Variants in CEP350 observed in about 807,000 individuals in gnomAD.
CEP350 encodes centrosome-associated protein 350.
CEP350 carries 126 observed loss-of-function variants against 331.8 expected under a neutral mutation model. The ratio of observed to expected loss-of-function variants is 0.38; its 90% confidence interval spans 0.33 to 0.44. CEP350 has a LOEUF of 0.44. CEP350 is among the 20% of genes least tolerant of loss of function. CEP350 has a pLI of 1.00. For missense variants in CEP350, 3,406 were observed against 3,634.6 expected, an observed-to-expected ratio of 0.94 and a Z score of 1.62; for synonymous variants, 1,200 against 1,259.5, an observed-to-expected ratio of 0.95 and a Z score of 1.00.
In CEP350 at chr1:180,093,257, C is replaced by G. The variant is rs1660299010; in HGVS notation, c.7152C>G (p.Phe2384Leu). The G allele has an allele frequency of 6.2e-7, 1 of 1,600,784 alleles. No homozygotes were observed. ...PYSEDFEVSS[F>L]KKEISAELYK... ...CTGAAGATTTTGAAGTGTCTTCTTT[C>G]AAGAAAGAAATTTCAGCTGAATTGT... Residue 2384 changes from phenylalanine (F) to leucine (L), a missense_variant, in exon 34 of 38, where the codon TTC (phenylalanine) becomes TTG (leucine). Around this residue, in one of 5 missense-constraint regions of CEP350, gnomAD observed 1,415 missense variants for 1,512.3 expected, o/e 0.94. Coordinates refer to ENST00000367607, the MANE Select transcript of CEP350 (RefSeq NM_014810.5).
intron 14 of CEP350, among the ~76,000 whole-genome samples, chr1:180,030,776 T>A (rs1655976186): frequency 6.6e-6 from 1 of 152,100 alleles, no homozygotes; most frequent in South Asian, 2.1e-4. Context: ...TTAAATTTCT[T>A]TGAGTTACAG....
chr1:180,039,618 A>C (rs538503522), intron 17 of CEP350, among the ~76,000 whole-genome samples: 1 of 152,122 alleles, frequency 6.6e-6, no homozygotes, highest in East Asian at 1.9e-4. Context: ...CCATTAATCT[A>C]TTCATCTATC....
chr1:180,102,940 A>G (rs1660910504), intron 37 of CEP350, among the ~76,000 whole-genome samples: 1 of 152,200 alleles, frequency 6.6e-6, no homozygotes, highest in Non-Finnish European at 1.5e-5. Context: ...ACACACATAC[A>G]TGAAGTGGGT....
chr1:180,035,026 T>A (rs1558116683), intron 16 of CEP350, among the ~76,000 whole-genome samples: 1 of 152,118 alleles, frequency 6.6e-6, no homozygotes, highest in African/African-American at 2.4e-5. Context: ...TTGAAGGAAA[T>A]GAAAGGTATC....
chr1:180,052,147 G>A (rs781774079), intron 22 of CEP350: 10 of 449,692 alleles, frequency 2.2e-5, no homozygotes, highest in Non-Finnish European at 4.0e-5. Context: ...CACTGAGCAA[G>A]TGCAGAAGCA....
rs1314790519 is a variant in CEP350, at chr1:180,114,622, T to C, written c.*3461T>C. The C allele has an allele frequency of 1.3e-5, 2 of 152,676 alleles. No homozygotes were observed. Among genetic ancestry groups the C allele is most frequent in the Non-Finnish European group, 2.9e-5 (2 of 68,054 alleles). 9.5% of individuals were successfully genotyped at this position (152,676 alleles called of 1,614,324 possible). A position where few individuals can be genotyped will look rare whatever the true frequency, so the allele number is the denominator to read the frequency against. On this transcript the variant is annotated 3_prime_UTR_variant, in exon 38 of 38. Coordinates refer to ENST00000367607, the MANE Select transcript of CEP350 (RefSeq NM_014810.5). ...CTCTGGGAGGTTCAGCCTCCTTGTG[T>C]GTACTGTACTGTGCAGACATGAAAA...
chr1:179,955,113 G>GT lies in CEP350; in HGVS notation c.-43_-42insT. On this transcript the variant is annotated 5_prime_UTR_variant, in exon 1 of 38. An upstream open reading frame in the 5' UTR gains an earlier in-frame stop. Coordinates refer to ENST00000367607, the MANE Select transcript of CEP350 (RefSeq NM_014810.5). ...CGCCAGGCTCCGCGGGATGCACCGT[G>GT]GTAGCCGAGGGCGGAGGCGACACTC... 3 of 1,472,522 alleles carry GT rather than the reference G, an allele frequency of 2.0e-6. No homozygotes were observed. The South Asian group carries it at 3.8e-5, about 19-fold the overall frequency. 91.2% of individuals were successfully genotyped at this position (1,472,522 alleles called of 1,614,324 possible).
intron 22 of CEP350, among the ~76,000 whole-genome samples, chr1:180,050,691 C>A (rs67001008): frequency 0.07 from 8,747 of 124,664 alleles, 334 homozygotes; most frequent in African/African-American, 0.14. Flanking sequence ...AAAAAAAAAA[C>A]AAAAAAACCT....
chr1:180,004,927 C>CTT (rs367845675), intron 7 of CEP350, among the ~76,000 whole-genome samples: 19,204 of 74,316 alleles, frequency 0.26, 1,805 homozygotes, highest in Admixed American at 0.36. Flanking sequence ...TTCTTTCTTT[C>CTT]TTTCTTTCTT....
At chr1:180,051,934 G>A (rs1006399191) in intron 22 of CEP350, among the ~76,000 whole-genome samples, 2 of 152,152 alleles carry the variant, frequency 1.3e-5, no homozygotes, top group African/African-American at 4.8e-5. Flanking sequence ...GATGGTCAGA[G>A]CCAGGTTTCT....
intron 31 of CEP350, among the ~76,000 whole-genome samples, chr1:180,084,801 C>T (rs1659763691): frequency 6.6e-6 from 1 of 152,086 alleles, no homozygotes; most frequent in East Asian, 1.9e-4. Flanking sequence ...GAGTTTGAGG[C>T]TGTAGTGCAC....
intron 1 of CEP350, chr1:179,969,038 G>T: frequency 1.3e-6 from 1 of 745,064 alleles, no homozygotes; most frequent in South Asian, 1.3e-5. Flanking sequence ...GCCTCAAACT[G>T]AAGCATCTTA....
chr1:180,015,822 T>C (rs1210718350), intron 10 of CEP350, 27 bp from the exon 11 acceptor site: 2 of 1,603,206 alleles, frequency 1.2e-6, no homozygotes, highest in Non-Finnish European at 1.7e-6. Context: ...ACAGAACTCA[T>C]ATAAATTTGA....
rs972356169 is a variant in CEP350, at chr1:179,986,231, C to G, written c.50C>G (p.Ser17Cys). Residue 17 changes from serine (S) to cysteine (C), a missense_variant, in exon 2 of 38, where the codon TCT becomes TGT. Physicochemically the swap from Ser to Cys is moderately radical, Grantham distance 112. Transcript: ENST00000367607. ...GTGCCTTTACCAAATCCAAGGAACT[C>G]TCAAAGCAAGGATACTGTTCAAGGT... is the stretch of plus-strand genomic sequence containing the variant. Reference protein sequence around the residue: ...KEVPLPNPRNSQSKDTVQADI... With the variant: ...KEVPLPNPRNCQSKDTVQADI... 1.3e-6 allele frequency: 2 copies of G among 1,550,660 alleles called. No individual in the cohort carries two copies. The highest frequency in any genetic ancestry group is 2.0e-5 in the Admixed American group (1 of 51,008).
intron 5 of CEP350, among the ~76,000 whole-genome samples, chr1:179,992,976 T>C (rs1231966505): frequency 1.3e-5 from 2 of 152,138 alleles, no homozygotes; most frequent in Non-Finnish European, 2.9e-5. Flanking sequence ...TCTAGGTATA[T>C]GTTTGTACTC....
At chr1:179,996,403 C>A in intron 5 of CEP350, 150 bp from the exon 6 acceptor site, 1 of 608,324 alleles carries the variant, frequency 1.6e-6, no homozygotes, top group South Asian at 2.2e-5. Context: ...ATATGTATAC[C>A]TTGTGGAATG....
chr1:179,970,168 CATT>C (rs1168610602), intron 1 of CEP350, among the ~76,000 whole-genome samples: 1 of 152,116 alleles, frequency 6.6e-6, no homozygotes, highest in Non-Finnish European at 1.5e-5. Context: ...CAGTGTGGGA[CATT>C]GTGTTCTCTT....
At chr1:179,995,388 G>A (rs2148709134) in intron 5 of CEP350, among the ~76,000 whole-genome samples, 1 of 152,198 alleles carries the variant, frequency 6.6e-6, no homozygotes, top group Admixed American at 6.5e-5. Flanking sequence ...ATCAACTGAG[G>A]TCAGGAGTTC....
chr1:180,113,857 C>T lies in CEP350; in HGVS notation c.*2696C>T, dbSNP rs1027050118. ...AGCAGTAATATCTTTTAGAATAGCA[C>T]TATCAGAATTTAGCAGTAAACCAAC... On this transcript the variant is annotated 3_prime_UTR_variant, in exon 38 of 38. Transcript: ENST00000367607. 1.4e-4 allele frequency: 21 copies of T among 152,564 alleles called. No individual in the cohort carries two copies. The highest frequency in any genetic ancestry group is 4.6e-4 in the African/African-American group (19 of 41,438). 9.5% of individuals were successfully genotyped at this position (152,564 alleles called of 1,614,324 possible).
Sources: gnomAD v4.1 joint callset for allele counts (sites outside exome capture counted in the v4.1 genomes callset) on GRCh38, gnomAD v4.1.1 for gene constraint, gnomAD v4.1.1 regional missense constraint, MANE v1.5 for transcripts, NCBI Gene and HGNC (gene_info 2026-07-23, HGNC 2026-07-21) for gene names.